CADPS: variants seen among roughly 807,000 people sequenced by gnomAD.
CADPS encodes the protein calcium dependent secretion activator.
Under a neutral mutation model 167.3 loss-of-function variants are expected in CADPS, and 57 were observed. That is an observed-to-expected ratio of 0.34 (90% CI 0.28 to 0.42). CADPS has a LOEUF of 0.42. Ranked by LOEUF, CADPS falls within the 20% of genes least tolerant of loss-of-function variation. The pLI is 1.00. For synonymous variants in CADPS, 676 were observed against 635.3 expected, an observed-to-expected ratio of 1.06 and a Z score of -0.96; for missense variants, 1,414 against 1,738.1, an observed-to-expected ratio of 0.81 and a Z score of 3.32.
chr3:62,550,145 T>C (rs778729615), intron 10 of CADPS, 30 bp from the exon 11 acceptor site: 2 of 1,559,876 alleles, frequency 1.3e-6, no homozygotes, highest in Non-Finnish European at 1.8e-6. Flanking sequence ...CAACTTCTAC[T>C]AAGCTGAGCT....
intron 5 of CADPS, among the ~76,000 whole-genome samples, chr3:62,648,195 G>T (rs2069033177): frequency 6.6e-6 from 1 of 152,118 alleles, no homozygotes; most frequent in Non-Finnish European, 1.5e-5. Flanking sequence ...AATGGTTTTT[G>T]CTGGCAGTTT....
intron 4 of CADPS, among the ~76,000 whole-genome samples, chr3:62,658,646 A>G (rs985959745): frequency 3.3e-5 from 5 of 152,180 alleles, no homozygotes; most frequent in African/African-American, 1.2e-4. Context: ...GGTAAGTGAT[A>G]GTTATTACTA....
At chr3:62,557,106 A>G (rs751451297) in intron 10 of CADPS, among the ~76,000 whole-genome samples, 19 of 151,430 alleles carry the variant, frequency 1.3e-4, no homozygotes, top group Non-Finnish European at 2.4e-4. Flanking sequence ...TTAGCATTGT[A>G]TGGTGGAGTC....
chr3:62,759,472 G>C (rs138303142), intron 2 of CADPS, among the ~76,000 whole-genome samples: 5 of 152,280 alleles, frequency 3.3e-5, no homozygotes, highest in African/African-American at 1.2e-4. Flanking sequence ...GCAGGGGTGA[G>C]GTGGGATTGG....
At chr3:62,487,252 G>T (rs1235728753) in intron 21 of CADPS, among the ~76,000 whole-genome samples, 1 of 152,218 alleles carries the variant, frequency 6.6e-6, no homozygotes, top group South Asian at 2.1e-4. Flanking sequence ...ACTAGACTTG[G>T]TAAGACTTTG....
chr3:62,631,745 A>G (rs1487685300), intron 6 of CADPS, among the ~76,000 whole-genome samples: 1 of 152,190 alleles, frequency 6.6e-6, no homozygotes, highest in East Asian at 1.9e-4. Context: ...TGCTGTTTGT[A>G]TACAAACAGC....
At chr3:62,531,878 T>A (rs1340779119) in intron 13 of CADPS, among the ~76,000 whole-genome samples, 1 of 152,222 alleles carries the variant, frequency 6.6e-6, no homozygotes, top group East Asian at 1.9e-4. Context: ...TTTGCATTAT[T>A]CAGAACATGG....
intron 3 of CADPS, among the ~76,000 whole-genome samples, chr3:62,743,045 C>G (rs1204711549): frequency 6.6e-6 from 1 of 152,050 alleles, no homozygotes; most frequent in Non-Finnish European, 1.5e-5. Flanking sequence ...CCGATCATTA[C>G]AGAAATGGAA....
At chr3:62,705,150 A>G (rs1355636313) in intron 3 of CADPS, among the ~76,000 whole-genome samples, 1 of 152,106 alleles carries the variant, frequency 6.6e-6, no homozygotes, top group Non-Finnish European at 1.5e-5. Flanking sequence ...CCCTCACTTG[A>G]TGATAGACTT....
intron 4 of CADPS, among the ~76,000 whole-genome samples, chr3:62,659,190 T>C (rs950559439): frequency 1.3e-5 from 2 of 152,158 alleles, no homozygotes; most frequent in African/African-American, 2.4e-5. Flanking sequence ...TTCAGCCATA[T>C]GGGTTGAATT....
At chr3:62,475,759 T>C (rs1225194327) in intron 23 of CADPS, among the ~76,000 whole-genome samples, 1 of 152,176 alleles carries the variant, frequency 6.6e-6, no homozygotes, top group African/African-American at 2.4e-5. Flanking sequence ...AAATACATCA[T>C]TTGCCGGTTT....
intron 1 of CADPS, among the ~76,000 whole-genome samples, chr3:62,778,144 C>T (rs2090759364): frequency 1.3e-5 from 2 of 152,184 alleles, no homozygotes; most frequent in African/African-American, 4.8e-5. Context: ...GTTGAACTTT[C>T]CTCAGGTTGA....
intron 26 of CADPS, among the ~76,000 whole-genome samples, chr3:62,451,671 C>T (rs141336912): frequency 3.9e-5 from 6 of 152,236 alleles, no homozygotes; most frequent in Middle Eastern, 3.4e-3. Context: ...ACTCCACCCC[C>T]GCCTGTTTGA....
chr3:62,510,223 T>TATCTATC (rs2067521167), intron 17 of CADPS, among the ~76,000 whole-genome samples: 1 of 152,132 alleles, frequency 6.6e-6, no homozygotes, highest in Non-Finnish European at 1.5e-5. Flanking sequence ...TCTATCTATC[T>TATCTATC]ATCTGCCTGC....
At chr3:62,726,482 A>T (rs1018338385) in intron 3 of CADPS, among the ~76,000 whole-genome samples, 1 of 151,852 alleles carries the variant, frequency 6.6e-6, no homozygotes, top group Non-Finnish European at 1.5e-5. Context: ...CTTAGCCACA[A>T]ATATCAGGTG....
At chr3:62,472,210 G>A (rs2060712335) in intron 24 of CADPS, among the ~76,000 whole-genome samples, 2 of 152,240 alleles carry the variant, frequency 1.3e-5, no homozygotes, top group African/African-American at 4.8e-5. Flanking sequence ...GAAGGGAGGG[G>A]TGTGAGAATT....
At chr3:62,461,490 G>A (rs535693937) in intron 26 of CADPS, among the ~76,000 whole-genome samples, 2 of 151,962 alleles carry the variant, frequency 1.3e-5, no homozygotes, top group Non-Finnish European at 2.9e-5. Flanking sequence ...CATAGTTCTC[G>A]GGCTTTCCAC....
At chr3:62,467,196 C>T (rs2060041903) in intron 24 of CADPS, 4 of 435,434 alleles carry the variant, frequency 9.2e-6, no homozygotes, top group South Asian at 3.1e-5. Flanking sequence ...AGCTCCTTGA[C>T]ATTTATTAGA....
chr3:62,552,153 T>C (rs1162728155), intron 10 of CADPS, among the ~76,000 whole-genome samples: 2 of 142,656 alleles, frequency 1.4e-5, no homozygotes, highest in African/African-American at 5.3e-5. Context: ...GTGCATGTTC[T>C]CACTCATAGG....
Sources: allele counts gnomAD v4.1 joint callset (sites outside exome capture counted in the v4.1 genomes callset), GRCh38; gene constraint gnomAD v4.1.1; transcripts MANE v1.5; gene names NCBI Gene and HGNC (gene_info 2026-07-23, HGNC 2026-07-21).